NTNG1: variants seen among roughly 807,000 people sequenced by gnomAD.
NTNG1 encodes netrin-G1.
Under a neutral mutation model 54.0 loss-of-function variants are expected in NTNG1, and 16 were observed. The ratio of observed to expected loss-of-function variants is 0.30; its 90% confidence interval spans 0.20 to 0.45. The LOEUF is 0.45. Among genes scored for constraint, NTNG1 ranks in the 20% least tolerant of loss-of-function variants. The pLI is 1.00. For synonymous variants in NTNG1, 255 were observed against 263.1 expected (o/e 0.97, Z 0.30); for missense variants, 530 against 678.7 (o/e 0.78, Z 2.43).
At chr1:107,292,646 T>G (rs1476389975) in intron 2 of NTNG1, among the ~76,000 whole-genome samples, 2 of 151,232 alleles carry the variant, frequency 1.3e-5, no homozygotes, top group Non-Finnish European at 2.9e-5. Context: ...AATGGCGGAG[T>G]TTAAATGGTA....
At chr1:107,312,540 C>T (rs1398877727) in intron 2 of NTNG1, among the ~76,000 whole-genome samples, 1 of 152,110 alleles carries the variant, frequency 6.6e-6, no homozygotes, top group Non-Finnish European at 1.5e-5. Flanking sequence ...AGCTGGAATT[C>T]AAACTTAGGA....
At chr1:107,355,350 C>T (rs1254452541) in intron 3 of NTNG1, among the ~76,000 whole-genome samples, 2 of 151,324 alleles carry the variant, frequency 1.3e-5, no homozygotes, top group African/African-American at 4.9e-5. Flanking sequence ...TTTCTGCTAG[C>T]TTTGTGAGTT....
Position 107,311,265 on chromosome 1 carries a change from GCTC to G in NTNG1, c.247-13011_247-13009del, listed in dbSNP as rs562687103. On this transcript the variant is annotated intron_variant, in intron 2 of 7. Transcript: ENST00000370068. ...AGAACAAATACATTCTTCATGTTCA[GCTC>G]CTCCTGAGAACGCAGAAGGATGCTG... Among the ~76,000 whole-genome samples the G allele has an allele frequency of 1.2e-3, 180 of 152,250 alleles. 2 individuals are homozygous for G. Among genetic ancestry groups the G allele is most frequent in the African/African-American group, 4.1e-3 (172 of 41,552 alleles).
chr1:107,183,049 T>C (rs1657187332), intron 2 of NTNG1, among the ~76,000 whole-genome samples: 1 of 152,190 alleles, frequency 6.6e-6, no homozygotes, highest in African/African-American at 2.4e-5. Flanking sequence ...CATTGTTTCA[T>C]CAACACAGGT....
chr1:107,377,832 A>G (rs994565184), intron 3 of NTNG1, among the ~76,000 whole-genome samples: 1 of 152,252 alleles, frequency 6.6e-6, no homozygotes, highest in Non-Finnish European at 1.5e-5. Context: ...CTAACCAGAA[A>G]GCTTACCATC....
chr1:107,474,201 G>A (rs1450550000), intron 7 of NTNG1, among the ~76,000 whole-genome samples: 1 of 152,124 alleles, frequency 6.6e-6, no homozygotes, highest in Non-Finnish European at 1.5e-5. Context: ...TCTGTTTACT[G>A]ACATAGGACA....
chr1:107,189,015 T>C (rs1340590623), intron 2 of NTNG1, among the ~76,000 whole-genome samples: 1 of 152,144 alleles, frequency 6.6e-6, no homozygotes, highest in East Asian at 1.9e-4. Context: ...TTTGAAAGAA[T>C]AGGTGTTGGT....
intron 2 of NTNG1, among the ~76,000 whole-genome samples, chr1:107,176,996 A>G (rs953806995): frequency 6.6e-6 from 1 of 152,178 alleles, no homozygotes; most frequent in Non-Finnish European, 1.5e-5. Flanking sequence ...AGATATTGCC[A>G]AATATCCTCT....
chr1:107,338,869 CT>C, intron 3 of NTNG1, among the ~76,000 whole-genome samples: 1 of 110,252 alleles, frequency 9.1e-6, no homozygotes, highest in Middle Eastern at 4.6e-3. Flanking sequence ...AAGTAAGAAG[CT>C]TTAAAAAAAA....
intron 2 of NTNG1, among the ~76,000 whole-genome samples, chr1:107,169,420 C>T (rs561442356): frequency 9.2e-5 from 14 of 152,102 alleles, no homozygotes; most frequent in African/African-American, 2.2e-4. Flanking sequence ...ATGTAGCCAT[C>T]GCCTAAATAG....
chr1:107,197,210 C>T lies in NTNG1; in HGVS notation c.246+48371C>T, dbSNP rs149325415. ...CCTTAGGCTTGTGACACAGGAAATGCGGTCTGATTAGTTCTGCAGCCTTAG... is the reference window on the plus strand; with the variant it reads ...CCTTAGGCTTGTGACACAGGAAATGTGGTCTGATTAGTTCTGCAGCCTTAG... On this transcript the variant is annotated intron_variant, in intron 2 of 7. Transcript: ENST00000370068. 4.3e-3 allele frequency among the ~76,000 whole-genome samples: 656 copies of T among 152,058 alleles called. 4 individuals carry two copies. The highest frequency in any genetic ancestry group is 0.015 in the African/African-American group (635 of 41,526).
chr1:107,470,056 AGCTCTGATGGTT>A, intron 7 of NTNG1, among the ~76,000 whole-genome samples: 1 of 152,132 alleles, frequency 6.6e-6, no homozygotes, highest in Non-Finnish European at 1.5e-5. Flanking sequence ...TAGCTCAGGA[AGCTCTGATGGTT>A]CCATTCACAT....
Position 107,301,054 on chromosome 1 carries a change from C to G in NTNG1, c.247-23228C>G, listed in dbSNP as rs901709802. Among the ~76,000 whole-genome samples the G allele has an allele frequency of 2.0e-5, 3 of 151,704 alleles. No individual in the cohort carries two copies. The South Asian group carries it at 6.2e-4, about 31-fold the overall frequency. On this transcript the variant is annotated intron_variant, in intron 2 of 7. Coordinates refer to ENST00000370068, the MANE Select transcript of NTNG1 (RefSeq NM_001113226.3). ...TTATTTTACTTAAAAAATTCTATAT[C>G]TGACCCTAAGTAGTTATCAATATTA...
At chr1:107,472,640 C>G (rs1252237069) in intron 7 of NTNG1, among the ~76,000 whole-genome samples, 1 of 152,166 alleles carries the variant, frequency 6.6e-6, no homozygotes, top group Non-Finnish European at 1.5e-5. Flanking sequence ...TTTTATGACG[C>G]TCAGCCAATG....
intron 5 of NTNG1, among the ~76,000 whole-genome samples, chr1:107,411,308 T>C (rs896407854): frequency 6.6e-6 from 1 of 152,162 alleles, no homozygotes; most frequent in Non-Finnish European, 1.5e-5. Flanking sequence ...ATCTCTAATT[T>C]GATGTAATTG....
chr1:107,282,546 A>G lies in NTNG1; in HGVS notation c.247-41736A>G, dbSNP rs536719119. 5.3e-5 allele frequency among the ~76,000 whole-genome samples: 8 copies of G among 152,248 alleles called. No individual in the cohort carries two copies. In the South Asian group the frequency reaches 1.7e-3, roughly 32 times the overall value. ...ACCTCCTGAATATTCACTATTGCAT[A>G]ATCAGGCAATGGTCAGTCCCCTTCT... is the stretch of plus-strand genomic sequence containing the variant. On this transcript the variant is annotated intron_variant, in intron 2 of 7. Transcript: ENST00000370068.
chr1:107,470,538 T>C (rs932347515), intron 7 of NTNG1, among the ~76,000 whole-genome samples: 5 of 152,250 alleles, frequency 3.3e-5, no homozygotes, highest in Non-Finnish European at 5.9e-5. Flanking sequence ...ATGGAGATTA[T>C]GCTGGATAAA....
intron 2 of NTNG1, among the ~76,000 whole-genome samples, chr1:107,313,555 G>A (rs1667151495): frequency 6.6e-6 from 1 of 152,110 alleles, no homozygotes; most frequent in Non-Finnish European, 1.5e-5. Context: ...ACTCAATAAA[G>A]GACTTTATGT....
Position 107,436,757 on chromosome 1 carries a change from G to A in NTNG1, c.1348G>A (p.Asp450Asn). 1 of 1,613,500 alleles carries A rather than the reference G, an allele frequency of 6.2e-7. No individual in the cohort carries two copies. Among genetic ancestry groups the A allele is most frequent in the Non-Finnish European group, 8.5e-7 (1 of 1,179,588 alleles). ...GACTGGAACAACAGGGCCTAAGTGT[G>A]ATGAGTGTCTGCCGGGAAATTCCTG... is the stretch of plus-strand genomic sequence containing the variant. The part of the protein sequence containing the change: ...CKTGTTGPKC[D>N]ECLPGNSWHY... Residue 450 changes from aspartate (D) to asparagine (N), a missense_variant, in exon 7 of 8, where the codon GAT becomes AAT. Transcript: ENST00000370068.
Sources: gnomAD v4.1 joint callset for allele counts (sites outside exome capture counted in the v4.1 genomes callset) on GRCh38, gnomAD v4.1.1 for gene constraint, MANE v1.5 for transcripts, NCBI Gene and HGNC (gene_info 2026-07-23, HGNC 2026-07-21) for gene names.